Variants in CNIH3 observed in about 807,000 individuals in gnomAD.
CNIH3 encodes the protein cornichon family AMPA receptor auxiliary protein 3.
CNIH3 carries 14 observed loss-of-function variants against 24.1 expected under a neutral mutation model. That is an observed-to-expected ratio of 0.58 (90% confidence interval 0.38 to 0.91). The LOEUF (loss-of-function observed/expected upper bound fraction) is 0.91. Among genes scored for constraint, CNIH3 ranks in the 40% least tolerant of loss-of-function variants. The pLI is 0.00. For missense variants in CNIH3, 178 were observed against 196.8 expected, an observed-to-expected ratio of 0.90 and a Z score of 0.57; for synonymous variants, 68 against 73.8, an observed-to-expected ratio of 0.92 and a Z score of 0.40.
chr1:224,504,090 CTT>C (rs1332197905), intron 1 of CNIH3, among the ~76,000 whole-genome samples: 1 of 152,216 alleles, frequency 6.6e-6, no homozygotes, highest in Admixed American at 6.5e-5. Flanking sequence ...GCCCTACTTA[CTT>C]AAACAGGCTG....
chr1:224,503,907 G>A (rs986933796), intron 1 of CNIH3, among the ~76,000 whole-genome samples: 3 of 152,250 alleles, frequency 2.0e-5, no homozygotes, highest in Admixed American at 6.5e-5. Flanking sequence ...AGGAGGGAGG[G>A]GTGCCGGGAC....
chr1:224,691,548 GC>G (rs1357874032), intron 3 of CNIH3, among the ~76,000 whole-genome samples: 4 of 152,232 alleles, frequency 2.6e-5, no homozygotes, highest in African/African-American at 9.6e-5. Context: ...ACCTACCTGA[GC>G]CCACCTGTAT....
At chr1:224,715,617 G>A (rs930832541) in intron 3 of CNIH3, among the ~76,000 whole-genome samples, 1 of 152,214 alleles carries the variant, frequency 6.6e-6, no homozygotes, top group African/African-American at 2.4e-5. Context: ...TGGGCACCTG[G>A]TGAAAGCCTC....
At chr1:224,631,016 G>A (rs921120263) in intron 1 of CNIH3, among the ~76,000 whole-genome samples, 4 of 151,964 alleles carry the variant, frequency 2.6e-5, no homozygotes, top group South Asian at 2.1e-4. Context: ...AAAATTAGCC[G>A]GGCGTGGTGG....
upstream of CNIH3, among the ~76,000 whole-genome samples, chr1:224,612,276 C>T (rs1393994194): frequency 6.6e-6 from 1 of 152,060 alleles, no homozygotes; most frequent in Non-Finnish European, 1.5e-5. The surrounding 1 kb of genome is among the most constrained non-coding windows in gnomAD (Gnocchi z 4.7). Context: ...GAGAGTGATT[C>T]AGAATCTAGA....
At chr1:224,727,936 T>C (rs540958614) in intron 3 of CNIH3, among the ~76,000 whole-genome samples, 1 of 152,192 alleles carries the variant, frequency 6.6e-6, no homozygotes, top group Non-Finnish European at 1.5e-5. Flanking sequence ...CGTGACTAGC[T>C]GGCCTGCATT....
chr1:224,440,136 T>C (rs1280376997), intron 1 of CNIH3, among the ~76,000 whole-genome samples: 4 of 152,240 alleles, frequency 2.6e-5, no homozygotes, highest in African/African-American at 9.6e-5. Context: ...TTGACCAGGA[T>C]GGTCTCGATC....
At chr1:224,675,774 C>A (rs79026189) in intron 1 of CNIH3, among the ~76,000 whole-genome samples, 6,306 of 152,194 alleles carry the variant, frequency 0.041, 207 homozygotes, top group East Asian at 0.15. Context: ...GTAATGATAA[C>A]TCGACACACC....
intron 1 of CNIH3, among the ~76,000 whole-genome samples, chr1:224,476,668 G>A (rs1379003713): frequency 6.6e-6 from 1 of 152,042 alleles, no homozygotes; most frequent in African/African-American, 2.4e-5. Context: ...CCAAAAACTG[G>A]TAAGATAGTC....
intron 1 of CNIH3, among the ~76,000 whole-genome samples, chr1:224,654,013 C>T (rs913115896): frequency 4.0e-5 from 6 of 150,800 alleles, no homozygotes; most frequent in South Asian, 2.1e-4. Context: ...CCTGAGAGGT[C>T]GAGGCTGCAG....
chr1:224,615,637 C>T (rs1682922482), upstream of CNIH3: 1 of 152,148 alleles, frequency 6.6e-6, no homozygotes, highest in Non-Finnish European at 1.5e-5. Context: ...CTTGACAATT[C>T]CACTAGGACC....
chr1:224,718,631 G>A (rs1688555736), intron 3 of CNIH3, among the ~76,000 whole-genome samples: 1 of 152,128 alleles, frequency 6.6e-6, no homozygotes, highest in Non-Finnish European at 1.5e-5. Flanking sequence ...CAGTTAGGAG[G>A]AGACGGGTGG....
intron 1 of CNIH3, among the ~76,000 whole-genome samples, chr1:224,436,281 T>G (rs1674662819): frequency 6.6e-6 from 1 of 152,222 alleles, no homozygotes; most frequent in Admixed American, 6.5e-5. Context: ...CCTGAATTAC[T>G]AGATAGTTAA....
At chr1:224,566,495 A>G (rs1680588222) in intron 4 of CNIH3, among the ~76,000 whole-genome samples, 1 of 151,766 alleles carries the variant, frequency 6.6e-6, no homozygotes, top group South Asian at 2.1e-4. Context: ...TACATTAGGT[A>G]TTTCTCCTAA....
intron 3 of CNIH3, among the ~76,000 whole-genome samples, chr1:224,727,046 C>T (rs920191162): frequency 1.3e-5 from 2 of 152,140 alleles, no homozygotes; most frequent in African/African-American, 4.8e-5. Context: ...TCTGACTGCC[C>T]ACACAAATGA....
At chr1:224,588,008 A>G (rs1681585010) in intron 5 of CNIH3, among the ~76,000 whole-genome samples, 1 of 152,014 alleles carries the variant, frequency 6.6e-6, no homozygotes, top group Non-Finnish European at 1.5e-5. Context: ...GAGACCAGTT[A>G]TGGAAATGCA....
At chr1:224,612,288 G>T (rs1682736819), upstream of CNIH3, among the ~76,000 whole-genome samples, 1 of 152,126 alleles carries the variant, frequency 6.6e-6, no homozygotes, top group Non-Finnish European at 1.5e-5. This position sits in a 1 kb window ranked among gnomAD's most constrained non-coding sequence, Gnocchi z 4.7. Flanking sequence ...GAATCTAGAG[G>T]GGTTGGTTTA....
intron 3 of CNIH3, among the ~76,000 whole-genome samples, chr1:224,719,398 A>T (rs1395752738): frequency 6.6e-6 from 1 of 152,218 alleles, no homozygotes; most frequent in South Asian, 2.1e-4. Context: ...GAGGATTTTT[A>T]AAATTTGCAA....
chr1:224,517,402 C>G (rs974501342), intron 1 of CNIH3, among the ~76,000 whole-genome samples: 1 of 152,158 alleles, frequency 6.6e-6, no homozygotes, highest in African/African-American at 2.4e-5. Context: ...TACTCACCCG[C>G]CTGGAGTGGC....
Sources: allele counts gnomAD v4.1 joint callset (sites outside exome capture counted in the v4.1 genomes callset), GRCh38; gene constraint gnomAD v4.1.1; non-coding constraint Gnocchi (gnomAD v3.1); transcripts MANE v1.5; gene names NCBI Gene and HGNC (gene_info 2026-07-23, HGNC 2026-07-21).